The following KCNN2 variants were observed in gnomAD, a reference collection of about 807,000 sequenced individuals.
KCNN2 encodes the protein small conductance calcium-activated potassium channel protein 2.
KCNN2 carries 24 observed loss-of-function variants against 55.5 expected under a neutral mutation model. The observed-to-expected ratio is 0.43, with a 90% CI of 0.31 to 0.61. The LOEUF (loss-of-function observed/expected upper bound fraction) is 0.61, where lower values mean the gene tolerates loss of function less well. Among genes scored for constraint, KCNN2 ranks in the 20% least tolerant of loss-of-function variants. KCNN2 has a pLI of 0.08. For missense variants in KCNN2, 754 were observed against 853.6 expected, an observed-to-expected ratio of 0.88 and a Z score of 1.45; for synonymous variants, 431 against 336.1, an observed-to-expected ratio of 1.28 and a Z score of -3.09.
At chr5:114,056,316 G>C (rs1176480124) in exon 1 of KCNN2, 7 of 398,496 alleles carry the variant, frequency 1.8e-5, no homozygotes, top group African/African-American at 1.4e-4. Flanking sequence ...CCGAGAGGCA[G>C]ATGGTCCTGG....
chr5:114,447,183 T>C (rs557093345), intron 3 of KCNN2, among the ~76,000 whole-genome samples: 92 of 152,298 alleles, frequency 6.0e-4, no homozygotes, highest in African/African-American at 2.2e-3. Flanking sequence ...AAATACTTAT[T>C]TATATCCTCT....
intron 1 of KCNN2, among the ~76,000 whole-genome samples, chr5:114,091,065 C>CTTGAA: frequency 6.6e-6 from 1 of 152,100 alleles, no homozygotes; most frequent in East Asian, 1.9e-4. Context: ...ATCTCAAACT[C>CTTGAA]CTGTGTTCAA....
intron 2 of KCNN2, among the ~76,000 whole-genome samples, chr5:114,339,638 AC>A (rs1203805864): frequency 6.6e-6 from 1 of 151,934 alleles, no homozygotes; most frequent in Non-Finnish European, 1.5e-5. Context: ...CCCCATCTCT[AC>A]AAAAAATACA....
At chr5:114,186,163 C>G (rs1337397306) in intron 1 of KCNN2, among the ~76,000 whole-genome samples, 1 of 152,068 alleles carries the variant, frequency 6.6e-6, no homozygotes, top group Non-Finnish European at 1.5e-5. Flanking sequence ...GAAAATTACA[C>G]TTTATTTCTG....
At position 114,072,469 on chromosome 5, in the gene KCNN2, A is replaced by G. The variant is rs149938577; in HGVS notation, c.-271+15969A>G. On this transcript the variant is annotated intron_variant, in intron 1 of 10. Transcript: ENST00000512097. Reference sequence around the variant, plus strand: ...ATAAAATGGCAGGTAAGAGATAAAAATAGACGTTATTAGCATATAATTAAT... The same window carrying G: ...ATAAAATGGCAGGTAAGAGATAAAAGTAGACGTTATTAGCATATAATTAAT... 6.5e-3 allele frequency among the ~76,000 whole-genome samples: 983 copies of G among 152,232 alleles called. 13 individuals carry two copies. Among genetic ancestry groups the G allele is most frequent in the African/African-American group, 0.022 (918 of 41,530 alleles).
chr5:114,174,683 A>G (rs1479365322), intron 1 of KCNN2, among the ~76,000 whole-genome samples: 3 of 152,134 alleles, frequency 2.0e-5, no homozygotes, highest in Admixed American at 6.6e-5. Context: ...TTGTAGGTGA[A>G]TTTGTATATT....
At chr5:114,372,839 C>A (rs866985750) in intron 2 of KCNN2, among the ~76,000 whole-genome samples, 1 of 151,884 alleles carries the variant, frequency 6.6e-6, no homozygotes, top group Non-Finnish European at 1.5e-5. Flanking sequence ...ATTGTAGATG[C>A]AAGTTTTCTT....
chr5:114,144,408 A>G (rs1752353517), intron 1 of KCNN2, among the ~76,000 whole-genome samples: 1 of 152,126 alleles, frequency 6.6e-6, no homozygotes, highest in Non-Finnish European at 1.5e-5. Context: ...GATTGATGTA[A>G]TGGAACTCCA....
intron 1 of KCNN2, among the ~76,000 whole-genome samples, chr5:114,122,329 A>G (rs1751844081): frequency 6.6e-6 from 1 of 152,198 alleles, no homozygotes; most frequent in African/African-American, 2.4e-5. Flanking sequence ...ATATGACAAT[A>G]AAGAATGTGA....
chr5:114,351,118 C>G lies in KCNN2; in HGVS notation c.-184-9827C>G, dbSNP rs904731619. The stretch of plus-strand genomic sequence containing the variant: ...TTGTATCTTCATTAATTTGTGCATT[C>G]TTTAATTTATTTAAATATTTTTTAC... On this transcript the variant is annotated intron_variant, in intron 2 of 10. Transcript: ENST00000512097. Among the ~76,000 whole-genome samples, 73 of 151,694 alleles carry G rather than the reference C, an allele frequency of 4.8e-4. 1 individual carries two copies. Among genetic ancestry groups the G allele is most frequent in the Admixed American group, 4.7e-3 (72 of 15,226 alleles).
chr5:114,463,414 G>C (rs1761298874), intron 4 of KCNN2, among the ~76,000 whole-genome samples: 1 of 152,208 alleles, frequency 6.6e-6, no homozygotes, highest in Non-Finnish European at 1.5e-5. Flanking sequence ...ATTGCCCCTT[G>C]TGGGGCATGC....
rs191123469 is a variant in KCNN2 at position 114,061,838 on chromosome 5, A to C, written c.-271+5338A>C. On this transcript the variant is annotated intron_variant, in intron 1 of 10. Transcript: ENST00000512097. ...TAGGTTGATTGTCTATGCTTGTGCA[A>C]CTGGGAAGTGGAGGATCTGGTAGAA... Among the ~76,000 whole-genome samples, 61 of 152,312 alleles carry C rather than the reference A, an allele frequency of 4.0e-4. No homozygotes were observed. The East Asian group carries it at 0.011, about 28-fold the overall frequency.
At chr5:114,124,449 G>T (rs1452744386) in intron 1 of KCNN2, among the ~76,000 whole-genome samples, 2 of 152,158 alleles carry the variant, frequency 1.3e-5, no homozygotes, top group Non-Finnish European at 2.9e-5. Context: ...AGAAACTGCA[G>T]CCTCAAAAAC....
At chr5:114,402,109 A>G (rs1201001843) in intron 2 of KCNN2, among the ~76,000 whole-genome samples, 1 of 152,232 alleles carries the variant, frequency 6.6e-6, no homozygotes, top group African/African-American at 2.4e-5. Context: ...CATACCAAGT[A>G]GGGACACAGA....
chr5:114,354,574 A>T (rs1040485545), intron 2 of KCNN2, among the ~76,000 whole-genome samples: 11 of 152,134 alleles, frequency 7.2e-5, no homozygotes, highest in Non-Finnish European at 1.2e-4. Flanking sequence ...ACTGGTTGAA[A>T]CACTGATGAT....
chr5:114,416,899 A>G (rs1193468664), intron 3 of KCNN2, among the ~76,000 whole-genome samples: 1 of 152,202 alleles, frequency 6.6e-6, no homozygotes, highest in Non-Finnish European at 1.5e-5. Context: ...AGCAGAAAAT[A>G]TCTTTTATAT....
rs1757467163 is a variant in KCNN2, at chr5:114,362,679, C to T, written c.540C>T (p.Pro180=). ...GCCTCGGCAGTCTGGGCTCCGGGCC[C>T]CCGCTCTCGCACCACCACCACCACC... ...TGSLGSLGSG[P]PLSHHHHHPH... is the part of the protein sequence containing the mutation. The change falls in exon 1 of 8, where the codon CCC becomes CCT. Residue 180 remains proline (P), a synonymous_variant. Transcript: ENST00000673685. 6 of 1,439,276 alleles carry T rather than the reference C, an allele frequency of 4.2e-6. No individual in the cohort carries two copies. In the South Asian group the frequency reaches 8.7e-5, roughly 21 times the overall value. 89.2% of individuals were successfully genotyped at this position (1,439,276 alleles called of 1,614,324 possible).
chr5:114,478,470 A>G (rs1332852178), intron 5 of KCNN2, among the ~76,000 whole-genome samples: 1 of 152,056 alleles, frequency 6.6e-6, no homozygotes, highest in Non-Finnish European at 1.5e-5. Flanking sequence ...GTTGGAAAAC[A>G]TACTTCCGGA....
chr5:114,105,918 T>C (rs1248629833), intron 1 of KCNN2, among the ~76,000 whole-genome samples: 1 of 152,026 alleles, frequency 6.6e-6, no homozygotes, highest in Non-Finnish European at 1.5e-5. Context: ...AGATATTTCA[T>C]ATTATTTCTA....
Sources: gnomAD v4.1 joint callset for allele counts (sites outside exome capture counted in the v4.1 genomes callset) on GRCh38, gnomAD v4.1.1 for gene constraint, MANE v1.5 for transcripts, NCBI Gene and HGNC (gene_info 2026-07-23, HGNC 2026-07-21) for gene names.